Variants in SH3PXD2A observed in about 807,000 individuals in gnomAD.
SH3PXD2A encodes the protein SH3 and PX domain-containing protein 2A.
In SH3PXD2A, 32 loss-of-function variants were observed where a neutral mutation model predicts 115.2. The ratio of observed to expected loss-of-function variants is 0.28; its 90% CI spans 0.21 to 0.37. SH3PXD2A has a LOEUF of 0.37. SH3PXD2A is among the 10% of genes least tolerant of loss of function. The pLI is 1.00. For missense variants in SH3PXD2A, 1,328 were observed against 1,498.7 expected, an observed-to-expected ratio of 0.89 and a Z score of 1.88; for synonymous variants, 610 against 629.1, an observed-to-expected ratio of 0.97 and a Z score of 0.45.
chr10:103,678,445 C>A lies in SH3PXD2A; in HGVS notation c.428-9793G>T, dbSNP rs184058091. Among the ~76,000 whole-genome samples the A allele has an allele frequency of 1.1e-3, 175 of 152,346 alleles. 2 individuals are homozygous for A. The highest frequency in any genetic ancestry group is 4.1e-3 in the African/African-American group (170 of 41,578). On this transcript the variant is annotated intron_variant, in intron 6 of 14. Transcript: ENST00000369774. ...CGGGAGTGTGCGGCTCTCTGGGGAG[C>A]CCCGAGTTAACCCTTCAGCACCACA...
chr10:103,833,907 A>C (rs557857159), intron 1 of SH3PXD2A, among the ~76,000 whole-genome samples: 1 of 152,350 alleles, frequency 6.6e-6, no homozygotes, highest in East Asian at 1.9e-4. Context: ...GTTAGTCAAC[A>C]TTAAAAACAA....
chr10:103,750,164 A>G (rs1380794386), intron 3 of SH3PXD2A, among the ~76,000 whole-genome samples: 1 of 152,020 alleles, frequency 6.6e-6, no homozygotes, highest in East Asian at 1.9e-4. Context: ...TGATCCTCCC[A>G]CCTCAGCCTC....
intron 8 of SH3PXD2A, among the ~76,000 whole-genome samples, chr10:103,633,776 C>T (rs983107007): frequency 9.9e-5 from 14 of 140,840 alleles, no homozygotes; most frequent in Non-Finnish European, 1.4e-4. Context: ...CAAGTCTTGA[C>T]GGCACAGCGG....
At chr10:103,826,488 A>C (rs1029636341) in intron 1 of SH3PXD2A, among the ~76,000 whole-genome samples, 2 of 152,160 alleles carry the variant, frequency 1.3e-5, no homozygotes, top group Non-Finnish European at 2.9e-5. Context: ...CCAGAACTCC[A>C]TCCCAGGCCT....
At chr10:103,803,969 G>A (rs1278729548) in intron 1 of SH3PXD2A, among the ~76,000 whole-genome samples, 1 of 152,164 alleles carries the variant, frequency 6.6e-6, no homozygotes, top group Non-Finnish European at 1.5e-5. Context: ...CAGGTCATAG[G>A]TGGATTTAAA....
At chr10:103,814,129 C>T (rs1408631488) in intron 1 of SH3PXD2A, among the ~76,000 whole-genome samples, 1 of 151,940 alleles carries the variant, frequency 6.6e-6, no homozygotes, top group Non-Finnish European at 1.5e-5. Context: ...GTACTGGGTG[C>T]TTTTTCTCAA....
chr10:103,722,443 T>C (rs1361154069), intron 5 of SH3PXD2A, among the ~76,000 whole-genome samples: 1 of 152,152 alleles, frequency 6.6e-6, no homozygotes, highest in African/African-American at 2.4e-5. Flanking sequence ...TTCTCGCTAT[T>C]CTTTCTTCTG....
chr10:103,764,882 A>C (rs575839056), intron 3 of SH3PXD2A, among the ~76,000 whole-genome samples: 3 of 152,294 alleles, frequency 2.0e-5, no homozygotes, highest in African/African-American at 7.2e-5. Flanking sequence ...CTAGTCAGTA[A>C]AATGGGGATG....
chr10:103,734,256 T>G (rs1279750513), intron 4 of SH3PXD2A, among the ~76,000 whole-genome samples: 1 of 152,238 alleles, frequency 6.6e-6, no homozygotes, highest in African/African-American at 2.4e-5. Flanking sequence ...ATACCACATC[T>G]TCTCAAGATT....
chr10:103,674,736 C>T (rs1378906408), intron 6 of SH3PXD2A, among the ~76,000 whole-genome samples: 1 of 152,106 alleles, frequency 6.6e-6, no homozygotes, highest in Non-Finnish European at 1.5e-5. Flanking sequence ...AGGAAAATTG[C>T]TTGAACCTGG....
intron 6 of SH3PXD2A, among the ~76,000 whole-genome samples, chr10:103,686,046 G>A (rs1306809667): frequency 6.6e-6 from 1 of 152,186 alleles, no homozygotes; most frequent in Non-Finnish European, 1.5e-5. Flanking sequence ...CTGCTTCTCT[G>A]CAGTGAAACT....
At position 103,596,172 on chromosome 10, in the gene SH3PXD2A, A is replaced by C. The variant is rs1321113069; in HGVS notation, c.*5644T>G. The C allele has an allele frequency of 2.6e-5, 4 of 152,224 alleles. No individual in the cohort carries two copies. Among genetic ancestry groups the C allele is most frequent in the African/African-American group, 9.7e-5 (4 of 41,430 alleles). The allele number at this position is 152,224 out of a possible 1,614,324, so 9.4% of individuals were successfully genotyped here. On this transcript the variant is annotated 3_prime_UTR_variant, in exon 15 of 15. Transcript: ENST00000369774. ...CCCAACCACCTGACCCACCCTCTGA[A>C]ACAAGGACGAAAGGGCTGGCAGCTT...
At chr10:103,725,497 G>C (rs1394037196) in intron 4 of SH3PXD2A, among the ~76,000 whole-genome samples, 1 of 152,126 alleles carries the variant, frequency 6.6e-6, no homozygotes, top group East Asian at 1.9e-4. Flanking sequence ...CATGGGGAGA[G>C]TCTGCAGCTG....
At position 103,603,097 on chromosome 10, in the gene SH3PXD2A, G is replaced by C. The variant is rs2036244748; in HGVS notation, c.2121C>G (p.Ser707=). 2 of 1,613,010 alleles carry C rather than the reference G, an allele frequency of 1.2e-6. No homozygotes were observed. The highest frequency in any genetic ancestry group is 2.7e-5 in the African/African-American group (2 of 74,936). ...CACTGGTTTTGGACAAGGAAGAGGA[G>C]GAGGAGGAAGAGGAGGAGCAGCAAG... ...NTTCCSSSSS[S]SSSLSKTSGD... is the part of the protein sequence containing the mutation. Residue 707 remains serine, a synonymous_variant, in exon 15 of 15, where the codon TCC becomes TCG. Transcript: ENST00000369774.
chr10:103,655,344 C>G (rs1008149917), intron 8 of SH3PXD2A, among the ~76,000 whole-genome samples: 1 of 152,216 alleles, frequency 6.6e-6, no homozygotes, highest in African/African-American at 2.4e-5. Context: ...TAGAAACAGC[C>G]TAGCCTATCT....
At chr10:103,804,438 C>A (rs936794227) in intron 1 of SH3PXD2A, among the ~76,000 whole-genome samples, 1 of 149,858 alleles carries the variant, frequency 6.7e-6, no homozygotes, top group African/African-American at 2.5e-5. Context: ...TCTCCTGCCT[C>A]AGCCTCCCAA....
At chr10:103,725,742 T>C (rs527394630) in intron 4 of SH3PXD2A, among the ~76,000 whole-genome samples, 29 of 151,822 alleles carry the variant, frequency 1.9e-4, no homozygotes, top group African/African-American at 6.5e-4. Flanking sequence ...AGGAGGAGAA[T>C]CGCTTGAACC....
intron 1 of SH3PXD2A, among the ~76,000 whole-genome samples, chr10:103,852,264 G>A (rs1005651563): frequency 5.3e-5 from 8 of 152,256 alleles, no homozygotes; most frequent in African/African-American, 1.9e-4. Flanking sequence ...CTACTTGCGT[G>A]CCTTCATGAA....
At chr10:103,707,970 C>T (rs769871934) in intron 5 of SH3PXD2A, among the ~76,000 whole-genome samples, 2 of 152,180 alleles carry the variant, frequency 1.3e-5, no homozygotes, top group Non-Finnish European at 2.9e-5. Flanking sequence ...CCCAAGTTCA[C>T]TTGGAGGCCC....
Sources: gnomAD v4.1 joint callset for allele counts (sites outside exome capture counted in the v4.1 genomes callset) on GRCh38, gnomAD v4.1.1 for gene constraint, MANE v1.5 for transcripts, NCBI Gene and HGNC (gene_info 2026-07-23, HGNC 2026-07-21) for gene names.